IMMP2L: variants seen among roughly 807,000 people sequenced by gnomAD.
IMMP2L encodes mitochondrial inner membrane protease subunit 2.
In IMMP2L, 18 loss-of-function variants were observed where a neutral mutation model predicts 19.3. That is an observed-to-expected ratio of 0.93 (90% CI 0.64 to 1.38). The LOEUF is 1.38. Ranked by LOEUF, IMMP2L falls within the 40% of genes most tolerant of loss-of-function variation. IMMP2L has a pLI of 0.00. For synonymous variants in IMMP2L, 76 were observed against 73.0 expected, an observed-to-expected ratio of 1.04 and a Z score of -0.21; for missense variants, 233 against 218.2, an observed-to-expected ratio of 1.07 and a Z score of -0.43.
intron 3 of IMMP2L, among the ~76,000 whole-genome samples, chr7:111,095,510 AAT>A (rs1797308679): frequency 6.6e-6 from 1 of 152,074 alleles, no homozygotes; most frequent in Non-Finnish European, 1.5e-5. Flanking sequence ...AATATTCAAT[AAT>A]AGAAGCAACG....
intron 5 of IMMP2L, among the ~76,000 whole-genome samples, chr7:110,732,873 A>C (rs1796365393): frequency 6.6e-6 from 1 of 151,678 alleles, no homozygotes; most frequent in African/African-American, 2.4e-5. Context: ...GCAGCCTCAA[A>C]CTTCAGGGCT....
intron 3 of IMMP2L, among the ~76,000 whole-genome samples, chr7:111,028,307 A>C (rs1394993781): frequency 6.6e-6 from 1 of 152,120 alleles, no homozygotes; most frequent in Non-Finnish European, 1.5e-5. Flanking sequence ...CATACTGAGC[A>C]CAGGGTCAGT....
chr7:110,889,020 AC>A (rs1175792368), intron 4 of IMMP2L, among the ~76,000 whole-genome samples: 1 of 152,212 alleles, frequency 6.6e-6, no homozygotes, highest in Non-Finnish European at 1.5e-5. Context: ...AACAGACTAA[AC>A]CAGTTTTAAT....
intron 5 of IMMP2L, among the ~76,000 whole-genome samples, chr7:110,723,522 A>G (rs576628202): frequency 7.3e-3 from 57 of 7,792 alleles, no homozygotes; most frequent in African/African-American, 0.032. Context: ...TCCATTCTTT[A>G]GGCTTGATTT....
intron 3 of IMMP2L, among the ~76,000 whole-genome samples, chr7:111,306,020 T>C (rs1822826873): frequency 6.6e-6 from 1 of 152,182 alleles, no homozygotes; most frequent in Admixed American, 6.6e-5. Context: ...GTAAAAAAGA[T>C]GGCCCAAATT....
At chr7:110,794,527 C>T (rs931866955) in intron 5 of IMMP2L, among the ~76,000 whole-genome samples, 1 of 152,076 alleles carries the variant, frequency 6.6e-6, no homozygotes, top group Admixed American at 6.6e-5. Context: ...TCAAATGGTA[C>T]TTAAATGCGA....
intron 3 of IMMP2L, among the ~76,000 whole-genome samples, chr7:111,156,928 T>C (rs1397858309): frequency 6.6e-6 from 1 of 152,026 alleles, no homozygotes; most frequent in Non-Finnish European, 1.5e-5. Context: ...GTGTCAGTGA[T>C]GAGAAGACGT....
At chr7:110,846,124 G>T (rs57796825) in intron 5 of IMMP2L, among the ~76,000 whole-genome samples, 8,118 of 152,082 alleles carry the variant, frequency 0.053, 704 homozygotes, top group African/African-American at 0.18. Flanking sequence ...CCACAATCAG[G>T]TGATTTGTTA....
intron 1 of IMMP2L, among the ~76,000 whole-genome samples, chr7:111,558,290 C>G (rs1048011248): frequency 4.6e-5 from 7 of 152,188 alleles, no homozygotes. Flanking sequence ...TACCAAATCC[C>G]CAATACCATG....
At chr7:111,211,880 C>G (rs1183218239) in intron 3 of IMMP2L, among the ~76,000 whole-genome samples, 1 of 152,060 alleles carries the variant, frequency 6.6e-6, no homozygotes, top group East Asian at 1.9e-4. Flanking sequence ...GCCTGTAGTC[C>G]CAGCTACTCC....
Position 110,902,931 on chromosome 7 carries a change from CAAAAAAAAAA to C in IMMP2L, c.306-16246_306-16237del, listed in dbSNP as rs752631512. Among the ~76,000 whole-genome samples, 5 of 8,598 alleles carry C rather than the reference CAAAAAAAAAA, an allele frequency of 5.8e-4. 2 individuals carry two copies. Among genetic ancestry groups the C allele is most frequent in the Non-Finnish European group, 1.0e-3 (5 of 4,974 alleles). 5.6% of individuals were successfully genotyped at this position (8,598 alleles called of 152,430 possible). A position where few individuals can be genotyped will look rare whatever the true frequency, so the allele number is the denominator to read the frequency against. ...TGGGCGACAGAGCGAGACTCCGTCT[CAAAAAAAAAA>C]AAAAAAAAAAAAAAAGAGTACAGAC... On this transcript the variant is annotated intron_variant, in intron 4 of 5. Coordinates refer to ENST00000405709, the MANE Select transcript of IMMP2L (RefSeq NM_032549.4).
chr7:111,319,661 G>C (rs1045614454), intron 3 of IMMP2L, among the ~76,000 whole-genome samples: 1 of 151,960 alleles, frequency 6.6e-6, no homozygotes, highest in African/African-American at 2.4e-5. Flanking sequence ...AATACAGAAG[G>C]CTATATTCTA....
chr7:111,481,763 T>C (rs1488394859), intron 3 of IMMP2L, among the ~76,000 whole-genome samples: 1 of 152,172 alleles, frequency 6.6e-6, no homozygotes, highest in Non-Finnish European at 1.5e-5. Flanking sequence ...CTTTGGGATT[T>C]TATCTTAGTT....
At chr7:111,199,376 C>CA (rs1491286170) in intron 3 of IMMP2L, among the ~76,000 whole-genome samples, 1 of 151,980 alleles carries the variant, frequency 6.6e-6, no homozygotes, top group Non-Finnish European at 1.5e-5. Flanking sequence ...GCAATACAAC[C>CA]ACAGTTAATT....
At chr7:111,389,220 A>T (rs1832092799) in intron 3 of IMMP2L, among the ~76,000 whole-genome samples, 1 of 152,152 alleles carries the variant, frequency 6.6e-6, no homozygotes, top group Admixed American at 6.6e-5. Flanking sequence ...GAAACAAAAC[A>T]TAGCTGTACT....
At chr7:111,031,279 C>T (rs1227590624) in intron 3 of IMMP2L, among the ~76,000 whole-genome samples, 3 of 151,842 alleles carry the variant, frequency 2.0e-5, no homozygotes, top group African/African-American at 7.3e-5. Context: ...CAATAAAAGG[C>T]ATCCATGCTC....
At chr7:110,876,332 T>G (rs1414271607) in intron 5 of IMMP2L, among the ~76,000 whole-genome samples, 1 of 152,080 alleles carries the variant, frequency 6.6e-6, no homozygotes, top group Non-Finnish European at 1.5e-5. Flanking sequence ...AGTGGGGGGT[T>G]AGTTGACATG....
intron 5 of IMMP2L, among the ~76,000 whole-genome samples, chr7:110,704,639 C>T (rs1347148123): frequency 3.3e-5 from 5 of 152,126 alleles, no homozygotes; most frequent in African/African-American, 9.7e-5. Context: ...CCCAGTTTGT[C>T]AAGTGTTTGT....
chr7:111,142,340 AAAAGAAAG>A (rs1199789345), intron 3 of IMMP2L, among the ~76,000 whole-genome samples: 237 of 16,362 alleles, frequency 0.014, 8 homozygotes, highest in Admixed American at 0.07. Flanking sequence ...AAAAAAAAAA[AAAAGAAAG>A]AAAGAAAGAA....
Sources: gnomAD v4.1 joint callset for allele counts (sites outside exome capture counted in the v4.1 genomes callset) on GRCh38, gnomAD v4.1.1 for gene constraint, MANE v1.5 for transcripts, NCBI Gene and HGNC (gene_info 2026-07-23, HGNC 2026-07-21) for gene names.